Variants in MARCHF1 observed in about 807,000 individuals in gnomAD.
MARCHF1 encodes E3 ubiquitin-protein ligase MARCHF1.
Under a neutral mutation model 54.2 loss-of-function variants are expected in MARCHF1, and 40 were observed. The observed-to-expected ratio is 0.74, with a 90% CI of 0.57 to 0.96. MARCHF1 has a LOEUF of 0.96. MARCHF1 is among the 40% of genes least tolerant of loss of function. The probability of loss-of-function intolerance (pLI) is 0.00; values close to 1 mark genes in which losing one functional copy is unlikely to be tolerated. For missense variants in MARCHF1, 586 were observed against 656.5 expected (o/e 0.89, Z 1.17); for synonymous variants, 236 against 236.3 (o/e 1.00, Z 0.01).
At chr4:163,761,048 A>C (rs1179483495) in intron 4 of MARCHF1, among the ~76,000 whole-genome samples, 2 of 152,212 alleles carry the variant, frequency 1.3e-5, no homozygotes, top group Non-Finnish European at 2.9e-5. Context: ...ATAAACATAA[A>C]ATATGACTCT....
rs67520399 is a variant in MARCHF1, at chr4:163,894,931, C to CAT, written c.-38-40764_-38-40763dup. Reference sequence around the variant, plus strand: ...CATATATATATATATGCATGTGATGCATATATATATATGCATGTGATGCAT... The same window carrying CAT: ...CATATATATATATATGCATGTGATGCATATATATATATATGCATGTGATGCAT... On this transcript the variant is annotated intron_variant, in intron 3 of 9. Coordinates refer to ENST00000514618, the MANE Select transcript of MARCHF1 (RefSeq NM_001394959.1). Among the ~76,000 whole-genome samples, 3 of 6,852 alleles carry CAT rather than the reference C, an allele frequency of 4.4e-4. 1 individual carries two copies. The highest frequency in any genetic ancestry group is 6.0e-4 in the Non-Finnish European group (1 of 1,658). 4.5% of individuals were successfully genotyped at this position (6,852 alleles called of 152,430 possible). A position where few individuals can be genotyped will look rare whatever the true frequency, so the allele number is the denominator to read the frequency against.
chr4:163,538,373 A>C (rs1354171650), intron 9 of MARCHF1, among the ~76,000 whole-genome samples: 1 of 151,996 alleles, frequency 6.6e-6, no homozygotes, highest in Non-Finnish European at 1.5e-5. Context: ...CATCTTCCTA[A>C]TCCTGTACTC....
At chr4:163,715,224 G>C (rs769422456) in intron 4 of MARCHF1, among the ~76,000 whole-genome samples, 1 of 152,108 alleles carries the variant, frequency 6.6e-6, no homozygotes, top group Non-Finnish European at 1.5e-5. Flanking sequence ...CTTTGACCTA[G>C]GATGATGAGC....
chr4:163,981,148 G>GTT (rs796377935), intron 3 of MARCHF1, among the ~76,000 whole-genome samples: 1 of 144,504 alleles, frequency 6.9e-6, no homozygotes, highest in Admixed American at 6.9e-5. Flanking sequence ...TGCCAGAATT[G>GTT]TTTTTTTTTT....
At chr4:164,359,968 A>T (rs1730677156) in intron 1 of MARCHF1, among the ~76,000 whole-genome samples, 1 of 152,162 alleles carries the variant, frequency 6.6e-6, no homozygotes, top group Non-Finnish European at 1.5e-5. Flanking sequence ...AAAAAATGAC[A>T]TTATTCCAGA....
chr4:163,983,296 G>A (rs1186980225), intron 3 of MARCHF1, among the ~76,000 whole-genome samples: 1 of 152,120 alleles, frequency 6.6e-6, no homozygotes, highest in African/African-American at 2.4e-5. Context: ...GAAAGGCTGA[G>A]TTATCTACTC....
rs1754915126 is a variant in MARCHF1, at chr4:164,073,643, A to G, written c.-248+37945T>C. Reference sequence around the variant, plus strand: ...CCAGAACTTAAAGTTTAATAAAAATAAATAAATAAATAAATAAACAAACAG... The same window carrying G: ...CCAGAACTTAAAGTTTAATAAAAATGAATAAATAAATAAATAAACAAACAG... On this transcript the variant is annotated intron_variant, in intron 2 of 9. Coordinates refer to ENST00000514618, the MANE Select transcript of MARCHF1 (RefSeq NM_001394959.1). 4.6e-5 allele frequency among the ~76,000 whole-genome samples: 7 copies of G among 152,256 alleles called. 1 individual carries two copies. In the South Asian group the frequency reaches 1.2e-3, roughly 27 times the overall value.
chr4:163,943,112 T>C (rs1751949290), intron 3 of MARCHF1, among the ~76,000 whole-genome samples: 1 of 152,200 alleles, frequency 6.6e-6, no homozygotes, highest in African/African-American at 2.4e-5. Flanking sequence ...AAATGCATAG[T>C]TTTCAAAAAT....
intron 1 of MARCHF1, chr4:164,135,485 C>T (rs1756381629): frequency 1.3e-5 from 2 of 152,158 alleles, no homozygotes; most frequent in African/African-American, 2.4e-5. Context: ...GCAAACACAT[C>T]CTTCTTCACA....
chr4:164,143,221 G>A (rs894726736), intron 1 of MARCHF1, among the ~76,000 whole-genome samples: 4 of 152,172 alleles, frequency 2.6e-5, no homozygotes, highest in Admixed American at 6.5e-5. Context: ...GTGACTGGGA[G>A]AATGGAACCA....
At chr4:163,898,959 C>T (rs2111299848) in intron 3 of MARCHF1, among the ~76,000 whole-genome samples, 1 of 152,264 alleles carries the variant, frequency 6.6e-6, no homozygotes, top group South Asian at 2.1e-4. Flanking sequence ...ACCACATGTT[C>T]TCACTTATAG....
At chr4:164,091,343 T>C (rs1184759930) in intron 2 of MARCHF1, among the ~76,000 whole-genome samples, 2 of 150,258 alleles carry the variant, frequency 1.3e-5, no homozygotes, top group Non-Finnish European at 3.0e-5. Context: ...TTTAAAAACC[T>C]TTTTATAGTG....
chr4:163,610,345 G>A (rs1653962328), intron 7 of MARCHF1, among the ~76,000 whole-genome samples: 1 of 151,968 alleles, frequency 6.6e-6, no homozygotes, highest in Non-Finnish European at 1.5e-5. Flanking sequence ...TATTTTGATG[G>A]TAATCTCTAG....
chr4:164,151,429 T>C (rs1283896965), intron 1 of MARCHF1, among the ~76,000 whole-genome samples: 2 of 152,192 alleles, frequency 1.3e-5, no homozygotes, highest in Non-Finnish European at 2.9e-5. Context: ...TATGAAATTT[T>C]GTAAACTGAA....
intron 1 of MARCHF1, among the ~76,000 whole-genome samples, chr4:164,382,788 C>G (rs1731411967): frequency 6.6e-6 from 1 of 152,106 alleles, no homozygotes; most frequent in Non-Finnish European, 1.5e-5. Flanking sequence ...CTATATAGCA[C>G]TTATAGGCGA....
intron 9 of MARCHF1, among the ~76,000 whole-genome samples, chr4:163,533,463 T>A (rs1276092906): frequency 6.6e-6 from 1 of 151,850 alleles, no homozygotes; most frequent in Non-Finnish European, 1.5e-5. Context: ...CTCATAGAAC[T>A]GTACAACACA....
chr4:164,112,226 C>G (rs1185535260), intron 1 of MARCHF1, among the ~76,000 whole-genome samples: 1 of 151,874 alleles, frequency 6.6e-6, no homozygotes, highest in Non-Finnish European at 1.5e-5. Flanking sequence ...GAAATATCCA[C>G]AAGCCATGTA....
chr4:164,169,577 C>A (rs1251229634), intron 1 of MARCHF1, among the ~76,000 whole-genome samples: 1 of 152,056 alleles, frequency 6.6e-6, no homozygotes, highest in Non-Finnish European at 1.5e-5. Flanking sequence ...AAAATGTGTT[C>A]TTTTGGGATA....
chr4:163,587,681 G>A (rs1560958360), intron 7 of MARCHF1, among the ~76,000 whole-genome samples: 1 of 152,086 alleles, frequency 6.6e-6, no homozygotes, highest in Non-Finnish European at 1.5e-5. Context: ...CACTACTTAG[G>A]TGATGGGAAC....
Sources: allele counts gnomAD v4.1 joint callset (sites outside exome capture counted in the v4.1 genomes callset), GRCh38; gene constraint gnomAD v4.1.1; transcripts MANE v1.5; gene names NCBI Gene and HGNC (gene_info 2026-07-23, HGNC 2026-07-21).